The following NALCN variants were observed in gnomAD, a reference collection of about 807,000 sequenced individuals.
NALCN encodes the protein sodium leak channel, non-selective.
NALCN carries 111 observed loss-of-function variants against 225.3 expected under a neutral mutation model. The observed-to-expected ratio is 0.49, with a 90% CI of 0.42 to 0.58. The LOEUF (loss-of-function observed/expected upper bound fraction) is 0.58. Among genes scored for constraint, NALCN ranks in the 20% least tolerant of loss-of-function variants. NALCN has a pLI of 0.00. For synonymous variants in NALCN, 764 were observed against 769.0 expected (o/e 0.99, Z 0.11); for missense variants, 1,378 against 2,202.4 (o/e 0.63, Z 7.49).
chr13:101,166,290 T>C (rs2038434997), intron 15 of NALCN, among the ~76,000 whole-genome samples: 1 of 152,236 alleles, frequency 6.6e-6, no homozygotes, highest in African/African-American at 2.4e-5. Flanking sequence ...CATATGATCA[T>C]GCTACTTTTA....
chr13:101,309,000 T>G lies in NALCN; in HGVS notation c.800-16634A>C, dbSNP rs564071166. Among the ~76,000 whole-genome samples, 3 of 152,320 alleles carry G rather than the reference T, an allele frequency of 2.0e-5. No homozygotes were observed. In the East Asian group the frequency reaches 5.8e-4, roughly 29 times the overall value. On this transcript the variant is annotated intron_variant, in intron 7 of 43. Transcript: ENST00000251127. ...ACATAAAGATTTGCTTAAGATTCTT[T>G]GAAATGTTCAAAGGAGATACTTTGA... is the stretch of plus-strand genomic sequence containing the variant.
At chr13:101,195,311 A>G (rs2039844563) in intron 13 of NALCN, among the ~76,000 whole-genome samples, 1 of 152,192 alleles carries the variant, frequency 6.6e-6, no homozygotes, top group Non-Finnish European at 1.5e-5. Context: ...AAGAAAACCC[A>G]TCTTTTATCT....
chr13:101,287,037 C>G (rs767707060), intron 9 of NALCN, among the ~76,000 whole-genome samples: 59 of 152,056 alleles, frequency 3.9e-4, no homozygotes, highest in Non-Finnish European at 5.3e-4. Flanking sequence ...TAACTTATTG[C>G]TAGAGACTAA....
At chr13:101,132,751 C>T (rs1208997350) in intron 17 of NALCN, among the ~76,000 whole-genome samples, 3 of 152,092 alleles carry the variant, frequency 2.0e-5, no homozygotes, top group Non-Finnish European at 2.9e-5. Context: ...AATCTTTTCA[C>T]TGCATTATGT....
intron 13 of NALCN, among the ~76,000 whole-genome samples, chr13:101,203,661 T>C (rs1384459404): frequency 6.6e-6 from 1 of 152,244 alleles, no homozygotes; most frequent in Admixed American, 6.5e-5. Flanking sequence ...TTTGACAGTG[T>C]TTTCAAAGAC....
intron 15 of NALCN, among the ~76,000 whole-genome samples, chr13:101,174,597 T>C (rs954052725): frequency 1.4e-4 from 22 of 152,152 alleles, no homozygotes; most frequent in Non-Finnish European, 2.5e-4. Flanking sequence ...CGTGTATATA[T>C]AAATAAGTTA....
intron 7 of NALCN, among the ~76,000 whole-genome samples, chr13:101,296,733 G>A (rs2043770902): frequency 1.3e-5 from 2 of 152,094 alleles, no homozygotes; most frequent in Non-Finnish European, 2.9e-5. Flanking sequence ...GAGAGCTCTT[G>A]GAATAGCACT....
At chr13:101,252,720 G>A (rs2042098871) in intron 11 of NALCN, among the ~76,000 whole-genome samples, 3 of 152,138 alleles carry the variant, frequency 2.0e-5, no homozygotes, top group Non-Finnish European at 2.9e-5. Context: ...ACACCAGGAG[G>A]TGGAAGAGGA....
At chr13:101,063,585 G>A (rs777055875) in intron 40 of NALCN, among the ~76,000 whole-genome samples, 1 of 152,226 alleles carries the variant, frequency 6.6e-6, no homozygotes, top group Non-Finnish European at 1.5e-5. Flanking sequence ...TGACAGAGAT[G>A]ACCTCCTTTG....
chr13:101,203,391 T>C (rs1050647918), intron 13 of NALCN, among the ~76,000 whole-genome samples: 3 of 152,098 alleles, frequency 2.0e-5, no homozygotes, highest in African/African-American at 7.2e-5. Flanking sequence ...GACTTTTGTA[T>C]TTTTTAGTAG....
chr13:101,153,035 T>C (rs2037728731), intron 15 of NALCN, among the ~76,000 whole-genome samples: 1 of 152,012 alleles, frequency 6.6e-6, no homozygotes. Context: ...AACACGCACA[T>C]ACACTCCCAT....
At chr13:101,326,598 C>T (rs999969175) in intron 7 of NALCN, among the ~76,000 whole-genome samples, 1 of 152,176 alleles carries the variant, frequency 6.6e-6, no homozygotes, top group African/African-American at 2.4e-5. Flanking sequence ...ATCTAAATCC[C>T]TGACTTGCCA....
Position 101,228,468 on chromosome 13 carries a change from G to A in NALCN, c.1626+925C>T, listed in dbSNP as rs376953146. ...CCAGGTGTGAGATAATTGAATCATG[G>A]GGGCGGTTTCCCCCCTGCTGCTCTT... On this transcript the variant is annotated intron_variant, in intron 13 of 43. Coordinates refer to ENST00000251127, the MANE Select transcript of NALCN (RefSeq NM_052867.4). Among the ~76,000 whole-genome samples the A allele has an allele frequency of 4.6e-5, 7 of 152,166 alleles. No individual in the cohort carries two copies. The South Asian group carries it at 6.2e-4, about 14-fold the overall frequency.
chr13:101,412,114 G>T (rs1445406348), intron 1 of NALCN, among the ~76,000 whole-genome samples: 1 of 152,084 alleles, frequency 6.6e-6, no homozygotes, highest in African/African-American at 2.4e-5. Context: ...GTAGATGTTG[G>T]CTAAGTTTTA....
chr13:101,094,248 C>A (rs933601105), intron 28 of NALCN, among the ~76,000 whole-genome samples: 7 of 152,164 alleles, frequency 4.6e-5, no homozygotes, highest in Non-Finnish European at 8.8e-5. Context: ...CACCAGATAA[C>A]CCTGCTCTCC....
Position 101,170,107 on chromosome 13 carries a change from G to T in NALCN, c.1839+6193C>A, listed in dbSNP as rs1312492253. Among the ~76,000 whole-genome samples, 4 of 152,168 alleles carry T rather than the reference G, an allele frequency of 2.6e-5. No individual in the cohort carries two copies. In the East Asian group the frequency reaches 7.7e-4, roughly 29 times the overall value. ...CAAATGAGAGCTTCAGGTGTGTTAG[G>T]CAAGATTCTCCAGAGAAACAGGACC... On this transcript the variant is annotated intron_variant, in intron 15 of 43. Transcript: ENST00000251127.
At chr13:101,364,983 G>A (rs917893323) in intron 6 of NALCN, among the ~76,000 whole-genome samples, 11 of 152,126 alleles carry the variant, frequency 7.2e-5, no homozygotes, top group African/African-American at 2.7e-4. Flanking sequence ...TCTTGATAAA[G>A]TCCTTAGAAA....
intron 15 of NALCN, among the ~76,000 whole-genome samples, chr13:101,152,398 TATAAC>T (rs1233639869): frequency 1.3e-5 from 2 of 152,172 alleles, no homozygotes; most frequent in South Asian, 4.1e-4. Flanking sequence ...GCAGAGCACT[TATAAC>T]AGACTGTTGC....
chr13:101,247,974 T>C (rs926024109), intron 11 of NALCN, among the ~76,000 whole-genome samples: 12 of 152,218 alleles, frequency 7.9e-5, no homozygotes, highest in African/African-American at 2.9e-4. Context: ...GATCTATCCA[T>C]GTCCCTGCAA....
Sources: gnomAD v4.1 joint callset for allele counts (sites outside exome capture counted in the v4.1 genomes callset) on GRCh38, gnomAD v4.1.1 for gene constraint, MANE v1.5 for transcripts, NCBI Gene and HGNC (gene_info 2026-07-23, HGNC 2026-07-21) for gene names.